Variants in ME1 observed in about 807,000 individuals in gnomAD.
ME1 encodes malic enzyme 1.
Under a neutral mutation model 66.4 loss-of-function variants are expected in ME1, and 74 were observed. That is an observed-to-expected ratio of 1.11 (90% CI 0.92 to 1.35). The LOEUF is 1.35. Ranked by LOEUF, ME1 falls within the 40% of genes most tolerant of loss-of-function variation. The probability of loss-of-function intolerance (pLI) is 0.00; values close to 1 mark genes in which losing one functional copy is unlikely to be tolerated. For synonymous variants in ME1, 251 were observed against 235.6 expected (o/e 1.07, Z -0.60); for missense variants, 750 against 694.1 (o/e 1.08, Z -0.90).
chr6:83,318,806 T>C (rs1196408703), intron 5 of ME1, among the ~76,000 whole-genome samples: 20 of 95,568 alleles, frequency 2.1e-4, no homozygotes, highest in South Asian at 3.6e-4. Context: ...TTACTGGGTA[T>C]ATACCCAAAG....
chr6:83,272,619 T>C (rs1767103344), intron 6 of ME1, among the ~76,000 whole-genome samples: 1 of 152,118 alleles, frequency 6.6e-6, no homozygotes, highest in Non-Finnish European at 1.5e-5. Flanking sequence ...TACGGGTGAT[T>C]GGAAAGGCAA....
intron 2 of ME1, among the ~76,000 whole-genome samples, chr6:83,407,554 T>C (rs138380754): frequency 6.6e-6 from 1 of 152,348 alleles, no homozygotes; most frequent in Non-Finnish European, 1.5e-5. Flanking sequence ...ATGGTCTGTC[T>C]GAGCACGCAG....
At chr6:83,359,769 G>A (rs541196298) in intron 3 of ME1, among the ~76,000 whole-genome samples, 6 of 152,322 alleles carry the variant, frequency 3.9e-5, no homozygotes, top group South Asian at 2.1e-4. Context: ...GCAGATTTGT[G>A]AGGGTAGCAC....
intron 4 of ME1, among the ~76,000 whole-genome samples, chr6:83,350,479 T>C (rs1583395187): frequency 1.3e-5 from 2 of 152,298 alleles, no homozygotes; most frequent in South Asian, 4.1e-4. Flanking sequence ...GTTTGTTTTT[T>C]TTCTGAGACA....
chr6:83,352,256 A>C, intron 3 of ME1, 117 bp from the exon 4 acceptor site: 1 of 549,452 alleles, frequency 1.8e-6, no homozygotes, highest in Non-Finnish European at 3.0e-6. Context: ...AATTTTTATC[A>C]AACTGGTGGA....
chr6:83,213,717 TAA>T (rs112880966), intron 13 of ME1, among the ~76,000 whole-genome samples: 2,348 of 152,264 alleles, frequency 0.015, 54 homozygotes, highest in African/African-American at 0.054. Flanking sequence ...CTTATTTTGA[TAA>T]GTCTGATTTC....
At chr6:83,328,383 C>T (rs926389738) in intron 5 of ME1, among the ~76,000 whole-genome samples, 4 of 152,118 alleles carry the variant, frequency 2.6e-5, no homozygotes. Flanking sequence ...TTGATGAGTG[C>T]AGCAAACCAC....
chr6:83,401,802 T>A (rs1211358635), intron 2 of ME1, among the ~76,000 whole-genome samples: 1 of 152,150 alleles, frequency 6.6e-6, no homozygotes, highest in Non-Finnish European at 1.5e-5. Context: ...CAGCAGAGAC[T>A]AACACTGATT....
chr6:83,350,601 G>C (rs1304508860), intron 4 of ME1, among the ~76,000 whole-genome samples: 1 of 151,786 alleles, frequency 6.6e-6, no homozygotes, highest in African/African-American at 2.4e-5. Flanking sequence ...AAGTAGCTGG[G>C]TGCATGCCAA....
chr6:83,267,744 T>C (rs997203435), intron 6 of ME1, among the ~76,000 whole-genome samples: 29 of 152,200 alleles, frequency 1.9e-4, no homozygotes, highest in Admixed American at 1.6e-3. Flanking sequence ...TAGACTAATA[T>C]GGTCAAAAGA....
intron 1 of ME1, among the ~76,000 whole-genome samples, chr6:83,415,630 T>C (rs1025258179): frequency 1.3e-5 from 2 of 152,218 alleles, no homozygotes; most frequent in African/African-American, 4.8e-5. Flanking sequence ...AAGATTTATT[T>C]ATGCAATAGT....
chr6:83,247,059 A>G (rs1790638053), intron 7 of ME1, among the ~76,000 whole-genome samples: 1 of 152,164 alleles, frequency 6.6e-6, no homozygotes, highest in Non-Finnish European at 1.5e-5. Context: ...AGCATTCAGT[A>G]TAAGATTTCA....
chr6:83,304,855 T>C (rs1349896197), intron 6 of ME1, among the ~76,000 whole-genome samples: 1 of 152,182 alleles, frequency 6.6e-6, no homozygotes, highest in Non-Finnish European at 1.5e-5. Context: ...CTTTAAATAA[T>C]GAGACTTTGA....
At chr6:83,417,392 T>TTGA (rs1170407956) in intron 1 of ME1, among the ~76,000 whole-genome samples, 2 of 151,656 alleles carry the variant, frequency 1.3e-5, no homozygotes, top group Non-Finnish European at 2.9e-5. Context: ...GTTGTTGTTG[T>TTGA]TGTTTTGAGA....
chr6:83,392,312 A>C, intron 3 of ME1: 2 of 514,864 alleles, frequency 3.9e-6, no homozygotes, highest in Non-Finnish European at 3.8e-6. Flanking sequence ...CACTGTCTAC[A>C]TGTTCCAGTA....
rs1789999590 is a variant in ME1 at position 83,216,590 on chromosome 6, C to T, written c.1456G>A (p.Ala486Thr). 6.3e-7 allele frequency: 1 copy of T among 1,594,102 alleles called. No individual in the cohort carries two copies. Among genetic ancestry groups the T allele is most frequent in the Non-Finnish European group, 8.5e-7 (1 of 1,173,982 alleles). Reference protein sequence around the residue: ...NIFLTTAEVIAQQVSDKHLEE... With the variant: ...NIFLTTAEVITQQVSDKHLEE... ...AAGTGTTTATCTGACACTTGCTGAGCTATAACCTTATGAAAAAAAGAAAGA... is the reference window on the plus strand; with the variant it reads ...AAGTGTTTATCTGACACTTGCTGAGTTATAACCTTATGAAAAAAAGAAAGA... The change falls in exon 13 of 14, where the codon GCT (alanine) becomes ACT (threonine). Residue 486 changes from alanine to threonine, a missense_variant. By Grantham distance (58) the Ala-to-Thr change is moderately conservative. Transcript: ENST00000369705.
chr6:83,251,006 T>C (rs907256033), intron 7 of ME1, among the ~76,000 whole-genome samples: 3 of 152,240 alleles, frequency 2.0e-5, no homozygotes, highest in Admixed American at 2.0e-4. Context: ...TGGCTAGATT[T>C]GGCTCACAGA....
chr6:83,285,659 T>C (rs757002637), intron 6 of ME1, among the ~76,000 whole-genome samples: 19 of 152,072 alleles, frequency 1.2e-4, no homozygotes, highest in Non-Finnish European at 2.5e-4. Flanking sequence ...TAGAGGAGTG[T>C]TCAGGTTCAA....
At chr6:83,243,614 TCGATA>T (rs1562457583) in intron 7 of ME1, among the ~76,000 whole-genome samples, 4 of 95,612 alleles carry the variant, frequency 4.2e-5, no homozygotes, top group Non-Finnish European at 5.5e-5. Flanking sequence ...TTACATTATA[TCGATA>T]TAATCTATTA....
Sources: gnomAD v4.1 joint callset for allele counts (sites outside exome capture counted in the v4.1 genomes callset) on GRCh38, gnomAD v4.1.1 for gene constraint, MANE v1.5 for transcripts, NCBI Gene and HGNC (gene_info 2026-07-23, HGNC 2026-07-21) for gene names.